Variants in OPCML observed in about 807,000 individuals in gnomAD.
OPCML encodes opioid binding protein/cell adhesion molecule like.
A neutral mutation model predicts 37.8 loss-of-function variants in OPCML; 13 were observed. The ratio of observed to expected loss-of-function variants is 0.34; its 90% CI spans 0.22 to 0.55. OPCML has a LOEUF of 0.55. OPCML is among the 20% of genes least tolerant of loss of function. The pLI, the probability that OPCML is intolerant of heterozygous loss-of-function variation, is 0.91. For missense variants in OPCML, 341 were observed against 435.6 expected, an observed-to-expected ratio of 0.78 and a Z score of 1.93; for synonymous variants, 176 against 168.8, an observed-to-expected ratio of 1.04 and a Z score of -0.33.
At chr11:132,646,928 A>G (rs77560348) in intron 3 of OPCML, among the ~76,000 whole-genome samples, 1 of 152,322 alleles carries the variant, frequency 6.6e-6, no homozygotes, top group Admixed American at 6.5e-5. Flanking sequence ...TAACTCCAAG[A>G]AAAAAAGTTA....
In OPCML at chr11:133,353,160, TTTGTTG is replaced by T. The variant is rs577758867; in HGVS notation, c.61+179098_61+179103del. Among the ~76,000 whole-genome samples, 8 of 152,076 alleles carry T rather than the reference TTTGTTG, an allele frequency of 5.3e-5. No homozygotes were observed. In the South Asian group the frequency reaches 8.3e-4, roughly 16 times the overall value. ...CTTCCTTTGCCCTGTAAGCCCCTAT[TTTGTTG>T]TTGTTGTTGTTGTTGTTTGAGATAC... On this transcript the variant is annotated intron_variant, in intron 1 of 7. Transcript: ENST00000524381.
In OPCML at chr11:132,784,007, A is replaced by C. The variant is rs528724975; in HGVS notation, c.147-126688T>G. On this transcript the variant is annotated intron_variant, in intron 2 of 7. Coordinates refer to ENST00000524381, the MANE Select transcript of OPCML (RefSeq NM_001012393.5). ...GATCAGATAGGCCTGATTAGCAAAC[A>C]TCATTTGTACAATAACAATTAATAC... is the stretch of plus-strand genomic sequence containing the variant. 7.2e-5 allele frequency among the ~76,000 whole-genome samples: 11 copies of C among 152,358 alleles called. No individual in the cohort carries two copies. The South Asian group carries it at 2.1e-3, about 29-fold the overall frequency.
chr11:132,511,055 C>A (rs1031642565), intron 4 of OPCML, among the ~76,000 whole-genome samples: 2 of 152,032 alleles, frequency 1.3e-5, no homozygotes, highest in African/African-American at 2.4e-5. Context: ...GAGGACATAT[C>A]ATTTATGTAA....
At chr11:133,128,436 C>T (rs488322) in intron 1 of OPCML, among the ~76,000 whole-genome samples, 113,977 of 152,056 alleles carry the variant, frequency 0.75, 42,957 homozygotes, top group Admixed American at 0.79. Flanking sequence ...CCAGAAAGGG[C>T]TTCCTTTTAT....
chr11:133,298,129 A>G (rs1228500118), intron 1 of OPCML: 1 of 151,960 alleles, frequency 6.6e-6, no homozygotes, highest in Non-Finnish European at 1.5e-5. Flanking sequence ...AATTTGATTC[A>G]TCAGCTTGCT....
intron 2 of OPCML, among the ~76,000 whole-genome samples, chr11:132,675,140 A>G (rs1480381333): frequency 6.7e-6 from 1 of 148,852 alleles, no homozygotes; most frequent in Non-Finnish European, 1.5e-5. Context: ...GAAGTATGAC[A>G]GCCCATATAT....
rs139327888 is a variant in OPCML at position 132,532,764 on chromosome 11, C to A, written c.380-3578G>T. Among the ~76,000 whole-genome samples, 4 of 152,176 alleles carry A rather than the reference C, an allele frequency of 2.6e-5. No individual in the cohort carries two copies. The South Asian group carries it at 6.2e-4, about 24-fold the overall frequency. ...TCAAGTCAGCGCCCCTTGCACACTGCGGACCACAACAGGAGAAGCCCATCT... is the reference window on the plus strand; with the variant it reads ...TCAAGTCAGCGCCCCTTGCACACTGAGGACCACAACAGGAGAAGCCCATCT... On this transcript the variant is annotated intron_variant, in intron 3 of 7. Coordinates refer to ENST00000524381, the MANE Select transcript of OPCML (RefSeq NM_001012393.5).
chr11:132,763,057 G>T (rs927684664), intron 2 of OPCML, among the ~76,000 whole-genome samples: 1 of 152,070 alleles, frequency 6.6e-6, no homozygotes, highest in Non-Finnish European at 1.5e-5. Context: ...GCTTCCCTTG[G>T]CTAGGGGAGG....
At chr11:132,726,983 C>A (rs375284191) in intron 2 of OPCML, among the ~76,000 whole-genome samples, 8 of 152,252 alleles carry the variant, frequency 5.3e-5, no homozygotes, top group Non-Finnish European at 8.8e-5. Flanking sequence ...TGACCCCATG[C>A]GGAATGAGTC....
At chr11:133,116,873 G>C (rs1392882090) in intron 1 of OPCML, among the ~76,000 whole-genome samples, 3 of 149,994 alleles carry the variant, frequency 2.0e-5, no homozygotes, top group Non-Finnish European at 4.4e-5. Context: ...ATTCATTGAT[G>C]ATTATTGCCT....
At chr11:133,509,147 G>A (rs1022503447) in intron 1 of OPCML, among the ~76,000 whole-genome samples, 1 of 152,084 alleles carries the variant, frequency 6.6e-6, no homozygotes, top group Non-Finnish European at 1.5e-5. Flanking sequence ...ATGGTGGTTT[G>A]CTGCACCTAT....
chr11:132,848,005 G>C (rs1356972139), intron 2 of OPCML, among the ~76,000 whole-genome samples: 1 of 152,194 alleles, frequency 6.6e-6, no homozygotes, highest in Non-Finnish European at 1.5e-5. Context: ...ACACAGGGCA[G>C]ATTGCCCTGT....
At chr11:132,510,557 C>A (rs1453224278) in intron 4 of OPCML, among the ~76,000 whole-genome samples, 2 of 145,068 alleles carry the variant, frequency 1.4e-5, no homozygotes, top group Non-Finnish European at 3.1e-5. Context: ...CTTTCCTGTG[C>A]TATTATTTTG....
chr11:132,924,380 A>G (rs1166632235), intron 2 of OPCML, among the ~76,000 whole-genome samples: 1 of 152,004 alleles, frequency 6.6e-6, no homozygotes, highest in African/African-American at 2.4e-5. Context: ...GGCTCAAATG[A>G]TACTCCCTGC....
chr11:132,985,006 G>C (rs1433495479), intron 1 of OPCML, among the ~76,000 whole-genome samples: 2 of 152,158 alleles, frequency 1.3e-5, no homozygotes, highest in South Asian at 2.1e-4. Flanking sequence ...CATTAAGAAG[G>C]CTGTTTATTT....
intron 1 of OPCML, among the ~76,000 whole-genome samples, chr11:133,345,091 C>A (rs574438872): frequency 1.3e-5 from 2 of 152,272 alleles, no homozygotes; most frequent in African/African-American, 4.8e-5. Context: ...ACCAGCCCCC[C>A]TATATCAAGC....
chr11:133,094,133 A>G (rs1179911320), intron 1 of OPCML, among the ~76,000 whole-genome samples: 2 of 152,174 alleles, frequency 1.3e-5, no homozygotes, highest in Non-Finnish European at 2.9e-5. Context: ...AGGTGCAGCT[A>G]TAATTATGTA....
At chr11:132,930,811 A>C (rs1338085862) in intron 2 of OPCML, among the ~76,000 whole-genome samples, 1 of 152,208 alleles carries the variant, frequency 6.6e-6, no homozygotes. Flanking sequence ...TAGAAAAATC[A>C]ATCCTAAAAT....
intron 1 of OPCML, among the ~76,000 whole-genome samples, chr11:133,440,069 A>T (rs1000178113): frequency 1.3e-5 from 2 of 152,144 alleles, no homozygotes; most frequent in Admixed American, 1.3e-4. Context: ...AGCTAGAAAC[A>T]GATGGAAAGT....
Sources: gnomAD v4.1 joint callset for allele counts (sites outside exome capture counted in the v4.1 genomes callset) on GRCh38, gnomAD v4.1.1 for gene constraint, MANE v1.5 for transcripts, NCBI Gene and HGNC (gene_info 2026-07-23, HGNC 2026-07-21) for gene names.